The following GSG1L variants were observed in gnomAD, a reference collection of about 807,000 sequenced individuals.
GSG1L encodes germ cell-specific gene 1-like protein.
In GSG1L, 24 loss-of-function variants were observed where a neutral mutation model predicts 42.1. The observed-to-expected ratio is 0.57, with a 90% CI of 0.41 to 0.80. GSG1L has a LOEUF of 0.80. Among genes scored for constraint, GSG1L ranks in the 30% least tolerant of loss-of-function variants. The pLI is 0.00. For missense variants in GSG1L, 445 were observed against 472.2 expected, an observed-to-expected ratio of 0.94 and a Z score of 0.53; for synonymous variants, 215 against 203.5, an observed-to-expected ratio of 1.06 and a Z score of -0.48.
chr16:28,007,689 A>G (rs2085660494), intron 1 of GSG1L, among the ~76,000 whole-genome samples: 1 of 151,704 alleles, frequency 6.6e-6, no homozygotes, highest in Non-Finnish European at 1.5e-5. Context: ...ATTTTTTTAA[A>G]TTATCTGTAG....
chr16:27,908,872 A>G (rs1053004952), intron 2 of GSG1L, among the ~76,000 whole-genome samples: 6 of 152,160 alleles, frequency 3.9e-5, no homozygotes, highest in Non-Finnish European at 7.4e-5. Context: ...TCAGCTCAGT[A>G]TCTCATCCCA....
At chr16:28,053,589 G>A (rs574326680) in intron 1 of GSG1L, among the ~76,000 whole-genome samples, 4 of 152,294 alleles carry the variant, frequency 2.6e-5, no homozygotes, top group South Asian at 4.1e-4. Context: ...GGGGCCTCCT[G>A]GAAAAGAGCA....
At chr16:28,050,088 GATGAATGAATGA>G (rs1213176973) in intron 1 of GSG1L, among the ~76,000 whole-genome samples, 3 of 152,066 alleles carry the variant, frequency 2.0e-5, no homozygotes, top group Admixed American at 6.5e-5. Flanking sequence ...TAATAGATGT[GATGAATGAATGA>G]ATGAATGAAT....
intron 4 of GSG1L, among the ~76,000 whole-genome samples, chr16:27,829,253 C>T (rs949131736): frequency 2.6e-5 from 4 of 152,114 alleles, no homozygotes; most frequent in African/African-American, 7.2e-5. Context: ...CAAAATACAG[C>T]GACACTTATG....
intron 3 of GSG1L, among the ~76,000 whole-genome samples, chr16:27,852,162 G>A (rs1466761098): frequency 1.3e-5 from 2 of 152,254 alleles, no homozygotes; most frequent in Non-Finnish European, 2.9e-5. Flanking sequence ...GAGCACTCAT[G>A]TTTAAATAAA....
Position 27,791,303 on chromosome 16 carries a change from G to GA in GSG1L, c.*66_*67insT. On this transcript the variant is annotated 3_prime_UTR_variant, in exon 7 of 7. Transcript: ENST00000447459. ...GCCAGGGTTCTGGGGGCACCACTCT[G>GA]GTGGTCTTGCAGCAGGGGCTGGTGC... The GA allele has an allele frequency of 9.5e-7, 1 of 1,057,044 alleles. No individual in the cohort carries two copies. The highest frequency in any genetic ancestry group is 1.3e-6 in the Non-Finnish European group (1 of 771,868). The allele number at this position is 1,057,044 out of a possible 1,614,324, so 65.5% of individuals were successfully genotyped here.
rs1567542913 is a variant in GSG1L at position 27,979,716 on chromosome 16, AAGGAAGGAAG to A, written c.350-16523_350-16514del. 3.0e-3 allele frequency among the ~76,000 whole-genome samples: 214 copies of A among 71,774 alleles called. 12 individuals are homozygous for A. Among genetic ancestry groups the A allele is most frequent in the African/African-American group, 1.0e-2 (188 of 18,856 alleles). The allele number at this position is 71,774 out of a possible 152,430, so 47.1% of individuals were successfully genotyped here. ...GAAGGAAGGAAGGAAGGAAGGAAGG[AAGGAAGGAAG>A]GAAAGAAAAAGAAAGAAAGAAAGGA... is the stretch of plus-strand genomic sequence containing the variant. On this transcript the variant is annotated intron_variant, in intron 1 of 6. Coordinates refer to ENST00000447459, the MANE Select transcript of GSG1L (RefSeq NM_001109763.2).
chr16:27,910,151 C>T (rs951679635), intron 2 of GSG1L, among the ~76,000 whole-genome samples: 11 of 146,894 alleles, frequency 7.5e-5, no homozygotes, highest in South Asian at 6.4e-4. Flanking sequence ...TTAGTAGACA[C>T]GGGTTTTCAC....
chr16:27,998,236 A>G (rs1644539366), intron 1 of GSG1L: 2 of 152,194 alleles, frequency 1.3e-5, no homozygotes, highest in Non-Finnish European at 2.9e-5. Flanking sequence ...TCCCATTTAT[A>G]AGTAAGAACA....
chr16:27,922,947 C>A (rs1323130180), intron 2 of GSG1L, among the ~76,000 whole-genome samples: 1 of 152,140 alleles, frequency 6.6e-6, no homozygotes, highest in Non-Finnish European at 1.5e-5. Flanking sequence ...GCCACCATGC[C>A]CGGCTAATGT....
At chr16:28,055,937 G>A (rs1050344904) in intron 1 of GSG1L, among the ~76,000 whole-genome samples, 2 of 151,794 alleles carry the variant, frequency 1.3e-5, no homozygotes, top group African/African-American at 4.8e-5. Context: ...AGTGACGTGA[G>A]CTCCCCACAG....
intron 1 of GSG1L, among the ~76,000 whole-genome samples, chr16:28,033,850 C>T (rs1347540836): frequency 6.6e-6 from 1 of 152,142 alleles, no homozygotes; most frequent in African/African-American, 2.4e-5. Flanking sequence ...AAACAGACTA[C>T]AAAAGAGTAT....
intron 2 of GSG1L, among the ~76,000 whole-genome samples, chr16:27,944,667 T>A (rs7192498): frequency 0.6 from 90,471 of 150,908 alleles, 27,528 homozygotes; most frequent in African/African-American, 0.7. Context: ...ACCCACCACA[T>A]TATGAATGAA....
intron 5 of GSG1L, among the ~76,000 whole-genome samples, chr16:27,821,890 C>T (rs9928966): frequency 0.1 from 15,258 of 148,272 alleles, 895 homozygotes; most frequent in African/African-American, 0.16. Context: ...GGTGACTGAG[C>T]GAGAGTGTCT....
At chr16:28,010,374 T>C (rs941471819) in intron 1 of GSG1L, among the ~76,000 whole-genome samples, 1 of 152,116 alleles carries the variant, frequency 6.6e-6, no homozygotes, top group Non-Finnish European at 1.5e-5. Context: ...GCTTGGACCC[T>C]AGAGACAGCA....
intron 4 of GSG1L, among the ~76,000 whole-genome samples, chr16:27,837,082 G>T (rs2083328840): frequency 6.6e-6 from 1 of 152,138 alleles, no homozygotes; most frequent in Non-Finnish European, 1.5e-5. Context: ...AATTTATAAA[G>T]GGAAGAGGTT....
chr16:27,810,173 C>A (rs956262971), intron 5 of GSG1L, among the ~76,000 whole-genome samples: 1 of 152,162 alleles, frequency 6.6e-6, no homozygotes, highest in South Asian at 2.1e-4. Flanking sequence ...CAAGCTTGCA[C>A]CCTAGTTAGA....
intron 1 of GSG1L, among the ~76,000 whole-genome samples, chr16:28,025,896 G>A (rs538739429): frequency 3.9e-5 from 6 of 152,318 alleles, no homozygotes; most frequent in African/African-American, 1.2e-4. Flanking sequence ...TGCCACAGCA[G>A]GCACAGGCTA....
chr16:27,815,207 G>A, intron 5 of GSG1L, among the ~76,000 whole-genome samples: 1 of 152,170 alleles, frequency 6.6e-6, no homozygotes, highest in East Asian at 1.9e-4. Context: ...TGTTGGAGGT[G>A]GGGCCTGGTG....
Sources: allele counts gnomAD v4.1 joint callset (sites outside exome capture counted in the v4.1 genomes callset), GRCh38; gene constraint gnomAD v4.1.1; transcripts MANE v1.5; gene names NCBI Gene and HGNC (gene_info 2026-07-23, HGNC 2026-07-21).